The following PARP3 variants were observed in gnomAD, a reference collection of about 807,000 sequenced individuals.
PARP3 encodes the protein poly(ADP-ribose) polymerase family member 3.
A neutral mutation model predicts 58.2 loss-of-function variants in PARP3; 46 were observed. The ratio of observed to expected loss-of-function variants is 0.79; its 90% confidence interval spans 0.62 to 1.01. PARP3 has a LOEUF of 1.01. Among genes scored for constraint, PARP3 ranks in the 50% least tolerant of loss-of-function variants. PARP3 has a pLI of 0.00. For missense variants in PARP3, 663 were observed against 683.9 expected, an observed-to-expected ratio of 0.97 and a Z score of 0.34; for synonymous variants, 252 against 266.4, an observed-to-expected ratio of 0.95 and a Z score of 0.53.
rs1391466373 is a variant in PARP3, at chr3:51,944,552, G to T, written c.475G>T (p.Asp159Tyr). 6.2e-7 allele frequency: 1 copy of T among 1,614,230 alleles called. No individual in the cohort carries two copies. The highest frequency in any genetic ancestry group is 1.7e-5 in the Admixed American group (1 of 60,036). Reference protein sequence around the residue: ...KYTLIEVQAEDEAQEAVVKVD... With the variant: ...KYTLIEVQAEYEAQEAVVKVD... ...CACACTTATCGAAGTACAGGCAGAG[G>T]ATGAGGCCCAGGAAGCTGTGGTGAA... The change falls in exon 4 of 11, where the codon GAT (aspartate) becomes TAT (tyrosine). Residue 159 changes from aspartate (D) to tyrosine (Y), a missense_variant. Around this residue, in one of 3 missense-constraint regions of PARP3, gnomAD observed 567 missense variants for 553.6 expected, o/e 1.02. Transcript: ENST00000398755. This position sits in a 1 kb window ranked among gnomAD's most constrained non-coding sequence, Gnocchi z 4.2.
Position 51,948,365 on chromosome 3 carries a change from A to G in PARP3, c.1487A>G (p.Gln496Arg). 1 of 1,613,996 alleles carries G rather than the reference A, an allele frequency of 6.2e-7. No homozygotes were observed. The highest frequency in any genetic ancestry group is 1.1e-5 in the South Asian group (1 of 91,090). The change falls in exon 11 of 11, where the codon CAG becomes CGG. Residue 496 changes from glutamine to arginine, a missense_variant. Coordinates refer to ENST00000398755, the MANE Select transcript of PARP3 (RefSeq NM_001003931.4). ...GATGGCCAGCAAGTGGTGGTGCCCCAGGGCCAGCCTGTGCCCTGCCCAGAG... is the reference window on the plus strand; with the variant it reads ...GATGGCCAGCAAGTGGTGGTGCCCCGGGGCCAGCCTGTGCCCTGCCCAGAG... ...ELDGQQVVVP[Q>R]GQPVPCPEFS...
Position 51,944,576 on chromosome 3 carries a change from A to G in PARP3, c.499A>G (p.Lys167Glu). The G allele has an allele frequency of 6.2e-7, 1 of 1,613,950 alleles. No individual in the cohort carries two copies. The highest frequency in any genetic ancestry group is 8.5e-7 in the Non-Finnish European group (1 of 1,179,842). ...GGATGAGGCCCAGGAAGCTGTGGTGAAGGTGAGATGGCCAAGGAAGGTGGG... is the reference window on the plus strand; with the variant it reads ...GGATGAGGCCCAGGAAGCTGTGGTGGAGGTGAGATGGCCAAGGAAGGTGGG... ...AEDEAQEAVV[K>E]VDRGPVRTVT... is the part of the protein sequence containing the mutation. Residue 167 changes from lysine (K) to glutamate (E), a missense_variant and splice_region_variant, in exon 4 of 11, where the codon AAG becomes GAG. Physicochemically the swap from Lys to Glu is moderately conservative, Grantham distance 56 (BLOSUM62 1). This residue lies in a region of PARP3 where 567 missense variants were observed against 553.6 expected (regional missense o/e 1.02). Coordinates refer to ENST00000398755, the MANE Select transcript of PARP3 (RefSeq NM_001003931.4). The surrounding 1 kb of genome is among the most constrained non-coding windows in gnomAD (Gnocchi z 4.2).
In PARP3 at chr3:51,948,292, C is replaced by T. The variant is rs775619257; in HGVS notation, c.1433-19C>T. 1.3e-5 allele frequency: 21 copies of T among 1,608,342 alleles called. No homozygotes were observed. Among genetic ancestry groups the T allele is most frequent in the Non-Finnish European group, 1.6e-5 (19 of 1,176,950 alleles). ...ACCAGTGACCCCTGGGCCACCCTGG[C>T]CCTTGCTGTGCCCTGCAGATCCGAC... On this transcript the variant is annotated intron_variant, in intron 10 of 10. Coordinates refer to ENST00000398755, the MANE Select transcript of PARP3 (RefSeq NM_001003931.4).
In PARP3 at chr3:51,947,822, C is replaced by T; in HGVS notation, c.1359C>T (p.Asn453=). The change falls in exon 10 of 11, where the codon AAC becomes AAT. Residue 453 remains asparagine, a synonymous_variant. Transcript: ENST00000398755. ...CCCTGGGCAGAGAGCACCATATCAA[C>T]ACGGACAACCCCAGCTTGAAGAGCC... ...EVALGREHHI[N]TDNPSLKSPP... The T allele has an allele frequency of 1.2e-6, 2 of 1,614,104 alleles. No homozygotes were observed.
Position 51,942,439 on chromosome 3 carries a change from G to C in PARP3, c.-272G>C. 2 of 609,616 alleles carry C rather than the reference G, an allele frequency of 3.3e-6. No individual in the cohort carries two copies. Among genetic ancestry groups the C allele is most frequent in the Non-Finnish European group, 6.0e-6 (2 of 335,580 alleles). 37.8% of individuals were successfully genotyped at this position (609,616 alleles called of 1,614,324 possible). A position where few individuals can be genotyped will look rare whatever the true frequency, so the allele number is the denominator to read the frequency against. Reference sequence around the variant, plus strand: ...TACGGACGCGACTGCCCCGGCCTTGGATATGCCAGATCGAGTGTCCACCCG... The same window carrying C: ...TACGGACGCGACTGCCCCGGCCTTGCATATGCCAGATCGAGTGTCCACCCG... On this transcript the variant is annotated 5_prime_UTR_variant, in exon 1 of 11. Transcript: ENST00000398755.
intron 6 of PARP3, 76 bp from the exon 7 acceptor site, chr3:51,945,419 T>C: frequency 2.0e-6 from 3 of 1,530,188 alleles, no homozygotes; most frequent in Non-Finnish European, 2.7e-6. Flanking sequence ...GTGGCTACAA[T>C]ACCAGTCATG....
rs932718740 is a variant in PARP3, at chr3:51,946,628, A to G, written c.1276+285A>G. 1.3e-5 allele frequency among the ~76,000 whole-genome samples: 2 copies of G among 152,134 alleles called. No homozygotes were observed. Among genetic ancestry groups the G allele is most frequent in the East Asian group, 3.9e-4 (2 of 5,192 alleles). On this transcript the variant is annotated intron_variant, in intron 9 of 10. Coordinates refer to ENST00000398755, the MANE Select transcript of PARP3 (RefSeq NM_001003931.4). The surrounding 1 kb of genome is among the most constrained non-coding windows in gnomAD (Gnocchi z 4.6). ...GAGCCTTTGAGCCAGGTGTGGTGGC[A>G]TACACCTGTAGTTCCATCTACTCTG...
In PARP3 at chr3:51,948,729, A is replaced by G; in HGVS notation, c.*249A>G. 4.3e-6 allele frequency: 2 copies of G among 469,564 alleles called. No individual in the cohort carries two copies. The highest frequency in any genetic ancestry group is 3.6e-5 in the East Asian group (1 of 27,694). 29.1% of individuals were successfully genotyped at this position (469,564 alleles called of 1,614,324 possible). On this transcript the variant is annotated 3_prime_UTR_variant, in exon 11 of 11. Transcript: ENST00000398755. ...CCAGCATTTGACTCTTTACTTGTAT[A>G]AGGGCAGCTTTTATAGGTTCCACAT...
rs975315317 is a variant in PARP3, at chr3:51,945,801, G to C, written c.1012-52G>C. On this transcript the variant is annotated intron_variant, in intron 7 of 10. Coordinates refer to ENST00000398755, the MANE Select transcript of PARP3 (RefSeq NM_001003931.4). ...TGGGACTGGGGGAAGAAAAATGGGG[G>C]ATTAGCTCCTGAGCCTCCCACCCTG... is the stretch of plus-strand genomic sequence containing the variant. 3.2e-6 allele frequency: 5 copies of C among 1,554,542 alleles called. No individual in the cohort carries two copies. In the East Asian group the frequency reaches 9.0e-5, roughly 28 times the overall value.
chr3:51,945,807 C>A, intron 7 of PARP3, 46 bp from the exon 8 acceptor site: 1 of 1,561,930 alleles, frequency 6.4e-7, no homozygotes, highest in Non-Finnish European at 8.8e-7. Context: ...GGGGGATTAG[C>A]TCCTGAGCCT....
rs1699634374 is a variant in PARP3 at position 51,944,853 on chromosome 3, A to G, written c.577A>G (p.Ile193Val). 6.2e-7 allele frequency: 1 copy of G among 1,609,536 alleles called. No individual in the cohort carries two copies. Among genetic ancestry groups the G allele is most frequent in the Non-Finnish European group, 8.5e-7 (1 of 1,176,120 alleles). ...CSLDPATQKL[I>V]TNIFSKEMFK... ...CCTGGACCCAGCCACGCAGAAGCTC[A>G]TCACTAACATCTTCAGCAAGGAGAT... The change falls in exon 5 of 11, where the codon ATC becomes GTC. Residue 193 changes from isoleucine to valine, a missense_variant. Coordinates refer to ENST00000398755, the MANE Select transcript of PARP3 (RefSeq NM_001003931.4). The surrounding 1 kb of genome is among the most constrained non-coding windows in gnomAD (Gnocchi z 4.2).
Position 51,948,859 on chromosome 3 carries a change from C to CT in PARP3, c.*385dup, listed in dbSNP as rs1699743571. ...TTTTCATAAATGACAAGATTTCCTC[C>CT]TTTTTTAAGGCTGAATGGTACTCTG... On this transcript the variant is annotated 3_prime_UTR_variant, in exon 11 of 11. Transcript: ENST00000398755. 1 of 281,816 alleles carries CT rather than the reference C, an allele frequency of 3.5e-6. No homozygotes were observed. Among genetic ancestry groups the CT allele is most frequent in the South Asian group, 8.8e-5 (1 of 11,398 alleles). The allele number at this position is 281,816 out of a possible 1,614,324, so 17.5% of individuals were successfully genotyped here.
In PARP3 at chr3:51,944,383, G is replaced by GT. The variant is rs1368918318; in HGVS notation, c.313-5dup. The GT allele has an allele frequency of 1.4e-5, 22 of 1,613,482 alleles. No homozygotes were observed. Among genetic ancestry groups the GT allele is most frequent in the Non-Finnish European group, 1.8e-5 (21 of 1,179,944 alleles). ...GTGGGCATACCCCTGAAGGCTGTCG[G>GT]TTGCAGGGAGAGGTCGGCCAGTCAA... On this transcript the variant is annotated splice_polypyrimidine_tract_variant and splice_region_variant and intron_variant, in intron 3 of 10. Transcript: ENST00000398755. The surrounding 1 kb of genome is among the most constrained non-coding windows in gnomAD (Gnocchi z 4.2).
Position 51,944,344 on chromosome 3 carries a change from A to G in PARP3, c.313-46A>G, listed in dbSNP as rs1029442273. 3.7e-6 allele frequency: 6 copies of G among 1,610,806 alleles called. No homozygotes were observed. The highest frequency in any genetic ancestry group is 1.6e-4 in the Middle Eastern group (1 of 6,076). On this transcript the variant is annotated intron_variant, in intron 3 of 10. Coordinates refer to ENST00000398755, the MANE Select transcript of PARP3 (RefSeq NM_001003931.4). The surrounding 1 kb of genome is among the most constrained non-coding windows in gnomAD (Gnocchi z 4.2). ...CAGGGCCTGGCCCGACACACAGGCC[A>G]GCAAATGCTGATGGTGGGCATACCC... is the stretch of plus-strand genomic sequence containing the variant.
Position 51,942,812 on chromosome 3 carries a change from C to T in PARP3, c.-3+104C>T, listed in dbSNP as rs923256308. On this transcript the variant is annotated intron_variant, in intron 1 of 10. Transcript: ENST00000398755. Reference sequence around the variant, plus strand: ...GGCCACTGATCCGGAGTTCTGGCTCCTCAGAACTCTTGAGTCCATTGGGAA... The same window carrying T: ...GGCCACTGATCCGGAGTTCTGGCTCTTCAGAACTCTTGAGTCCATTGGGAA... 8.7e-6 allele frequency: 13 copies of T among 1,495,314 alleles called. No individual in the cohort carries two copies. In the African/African-American group the frequency reaches 1.8e-4, roughly 21 times the overall value. The allele number at this position is 1,495,314 out of a possible 1,614,324, so 92.6% of individuals were successfully genotyped here.
In PARP3 at chr3:51,944,291, C is replaced by T. The variant is rs895053091; in HGVS notation, c.312+74C>T. 5 of 1,606,848 alleles carry T rather than the reference C, an allele frequency of 3.1e-6. No homozygotes were observed. The Admixed American group carries it at 5.0e-5, about 16-fold the overall frequency. The stretch of plus-strand genomic sequence containing the variant: ...CCACAGCTACTGACTTGGGGGGGCA[C>T]CTCCCAACTGTCCCAGGGCACTCAG... On this transcript the variant is annotated intron_variant, in intron 3 of 10. Transcript: ENST00000398755. This position sits in a 1 kb window ranked among gnomAD's most constrained non-coding sequence, Gnocchi z 4.2.
At position 51,945,959 on chromosome 3, in the gene PARP3, C is replaced by T. The variant is rs770158404; in HGVS notation, c.1098+20C>T. The stretch of plus-strand genomic sequence containing the variant: ...GGGGAGGTGAGGGAGGTTCCCCCAC[C>T]TCTCCCCCATCACCACTGTGCCTTA... On this transcript the variant is annotated intron_variant, in intron 8 of 10. Transcript: ENST00000398755. 4 of 1,592,144 alleles carry T rather than the reference C, an allele frequency of 2.5e-6. No homozygotes were observed. The highest frequency in any genetic ancestry group is 3.4e-6 in the Non-Finnish European group (4 of 1,160,300).
Position 51,942,471 on chromosome 3 carries a change from G to A in PARP3, c.-240G>A, listed in dbSNP as rs1370108570. On this transcript the variant is annotated 5_prime_UTR_variant, in exon 1 of 11. An upstream open reading frame in the 5' UTR gains an earlier in-frame stop. Coordinates refer to ENST00000398755, the MANE Select transcript of PARP3 (RefSeq NM_001003931.4). ...CAGATCGAGTGTCCACCCGTCCGTG[G>A]GACTGGTCGCCTGACTCGGCCTGCC... 24 of 640,762 alleles carry A rather than the reference G, an allele frequency of 3.7e-5. No individual in the cohort carries two copies. The highest frequency in any genetic ancestry group is 3.2e-4 in the South Asian group (18 of 56,998). The allele number at this position is 640,762 out of a possible 1,614,324, so 39.7% of individuals were successfully genotyped here. A position where few individuals can be genotyped will look rare whatever the true frequency, so the allele number is the denominator to read the frequency against.
chr3:51,948,492 G>A lies in PARP3; in HGVS notation c.*12G>A. The stretch of plus-strand genomic sequence containing the variant: ...AGGTCCACCTCTGAGTGCCCGCCCT[G>A]TCCCCCGGGGTCCTGCAAGGCTGGA... On this transcript the variant is annotated 3_prime_UTR_variant, in exon 11 of 11. Coordinates refer to ENST00000398755, the MANE Select transcript of PARP3 (RefSeq NM_001003931.4). 1 of 1,612,432 alleles carries A rather than the reference G, an allele frequency of 6.2e-7. No homozygotes were observed. The highest frequency in any genetic ancestry group is 8.5e-7 in the Non-Finnish European group (1 of 1,178,878).
Sources: gnomAD v4.1 joint callset for allele counts (sites outside exome capture counted in the v4.1 genomes callset) on GRCh38, gnomAD v4.1.1 for gene constraint, gnomAD v4.1.1 regional missense constraint, Gnocchi (gnomAD v3.1) non-coding constraint, MANE v1.5 for transcripts, NCBI Gene and HGNC (gene_info 2026-07-23, HGNC 2026-07-21) for gene names.